TCP11L2: variants seen among roughly 807,000 people sequenced by gnomAD.
TCP11L2 encodes t-complex 11 like 2.
TCP11L2 carries 39 observed loss-of-function variants against 50.7 expected under a neutral mutation model. The observed-to-expected ratio is 0.77, with a 90% CI of 0.60 to 1.01. TCP11L2 has a LOEUF of 1.01. Among genes scored for constraint, TCP11L2 ranks in the 50% least tolerant of loss-of-function variants. The pLI, the probability that TCP11L2 is intolerant of heterozygous loss-of-function variation, is 0.00. For missense variants in TCP11L2, 612 were observed against 614.7 expected (o/e 1.00, Z 0.05); for synonymous variants, 192 against 219.3 (o/e 0.88, Z 1.10).
chr12:106,323,697 T>C (rs1005799110), intron 6 of TCP11L2, 51 bp downstream of exon 6: 1 of 963,758 alleles, frequency 1.0e-6, no homozygotes, highest in African/African-American at 1.7e-5. Flanking sequence ...AAAATGATGA[T>C]TTTAAATGTT....
intron 6 of TCP11L2, chr12:106,330,291 T>G: frequency 7.1e-6 from 7 of 985,296 alleles, no homozygotes; most frequent in Non-Finnish European, 8.4e-6. Flanking sequence ...AAGAACTACT[T>G]AGAGCAAAAG....
At chr12:106,300,971 A>G (rs2034399182), upstream of TCP11L2, among the ~76,000 whole-genome samples, 1 of 152,218 alleles carries the variant, frequency 6.6e-6, no homozygotes, top group Non-Finnish European at 1.5e-5. Context: ...TTACAAAGCT[A>G]ACAAAGGAAG....
chr12:106,337,010 A>G (rs1262449871), intron 8 of TCP11L2, among the ~76,000 whole-genome samples: 1 of 152,194 alleles, frequency 6.6e-6, no homozygotes, highest in Non-Finnish European at 1.5e-5. Context: ...TTACACCTTC[A>G]TGAATGCTAG....
Position 106,318,348 on chromosome 12 carries a change from G to C in TCP11L2, c.298G>C (p.Ala100Pro). ...KQEALPEKSL[A>P]GRVKHIVHQA... ...CAATTCATTTTATTGCCATAGTTTG[G>C]CTGGTCGAGTGAAGCACATTGTTCA... The change falls in exon 4 of 10, where the codon GCT becomes CCT. Residue 100 changes from alanine to proline, a missense_variant. Physicochemically the swap from Ala to Pro is conservative, Grantham distance 27. Coordinates refer to ENST00000299045, the MANE Select transcript of TCP11L2 (RefSeq NM_152772.3). 1.9e-6 allele frequency: 3 copies of C among 1,612,344 alleles called. No homozygotes were observed. The East Asian group carries it at 6.7e-5, about 36-fold the overall frequency.
chr12:106,326,775 T>G (rs1429914119), intron 6 of TCP11L2, among the ~76,000 whole-genome samples: 2 of 152,164 alleles, frequency 1.3e-5, no homozygotes, highest in African/African-American at 4.8e-5. Context: ...ATATCAACTG[T>G]GGGGGATATT....
At chr12:106,337,786 G>A (rs1021009927) in intron 8 of TCP11L2, among the ~76,000 whole-genome samples, 2 of 152,160 alleles carry the variant, frequency 1.3e-5, no homozygotes, top group Non-Finnish European at 2.9e-5. Flanking sequence ...GATGATTCAG[G>A]TACAGATGTG....
chr12:106,314,576 TGA>T (rs71072670), intron 3 of TCP11L2, 83 bp downstream of exon 3: 21,766 of 272,086 alleles, frequency 0.08, 222 homozygotes, highest in African/African-American at 0.11. Context: ...TGTGTGTGTG[TGA>T]GAGAGAGAGA....
At chr12:106,329,146 A>G (rs971158788) in intron 6 of TCP11L2, among the ~76,000 whole-genome samples, 1 of 152,162 alleles carries the variant, frequency 6.6e-6, no homozygotes, top group African/African-American at 2.4e-5. Flanking sequence ...AAGCACGTGT[A>G]ATACCATTGC....
chr12:106,329,508 AT>A, intron 6 of TCP11L2: 1 of 1,485,110 alleles, frequency 6.7e-7, no homozygotes, highest in South Asian at 1.3e-5. Context: ...CTGACTACAA[AT>A]TAGAATCATC....
chr12:106,329,516 C>T (rs1194643162), intron 6 of TCP11L2: 2 of 1,470,350 alleles, frequency 1.4e-6, no homozygotes, highest in East Asian at 2.5e-5. Context: ...AAATTAGAAT[C>T]ATCTGGGGCG....
upstream of TCP11L2, among the ~76,000 whole-genome samples, chr12:106,300,264 T>TA (rs941039437): frequency 7.2e-5 from 11 of 152,172 alleles, no homozygotes; most frequent in Non-Finnish European, 1.6e-4. Context: ...AACAATGTGA[T>TA]ACAAGGCTCA....
intron 1 of TCP11L2, among the ~76,000 whole-genome samples, chr12:106,307,126 C>T (rs2034662269): frequency 1.3e-5 from 2 of 152,188 alleles, no homozygotes; most frequent in Admixed American, 1.3e-4. Flanking sequence ...GTCTTACTAC[C>T]ATTCATTTAT....
At chr12:106,337,819 G>A (rs991153926) in intron 8 of TCP11L2, among the ~76,000 whole-genome samples, 4 of 152,182 alleles carry the variant, frequency 2.6e-5, no homozygotes, top group African/African-American at 9.6e-5. Flanking sequence ...TGTACTCAAT[G>A]AATGCTAGCT....
intron 6 of TCP11L2, among the ~76,000 whole-genome samples, chr12:106,334,084 C>A (rs978849804): frequency 1.3e-5 from 2 of 152,074 alleles, no homozygotes; most frequent in African/African-American, 4.8e-5. Context: ...AATGAACAGG[C>A]AGAGGAACAT....
At position 106,314,572 on chromosome 12, in the gene TCP11L2, TGTGTGA is replaced by T. The variant is rs1250603894; in HGVS notation, c.293+81_293+86del. On this transcript the variant is annotated intron_variant, in intron 3 of 9. Coordinates refer to ENST00000299045, the MANE Select transcript of TCP11L2 (RefSeq NM_152772.3). ...GTGTGTGTGTGTGTGTGTGTGTGTG[TGTGTGA>T]GAGAGAGAGAGAGAGAGAGAGAGAC... 1,257 of 839,150 alleles carry T rather than the reference TGTGTGA, an allele frequency of 1.5e-3. 1 individual carries two copies. The highest frequency in any genetic ancestry group is 3.1e-3 in the East Asian group (102 of 32,408). The allele number at this position is 839,150 out of a possible 1,614,324, so 52.0% of individuals were successfully genotyped here.
upstream of TCP11L2, among the ~76,000 whole-genome samples, chr12:106,300,441 T>C (rs2034391409): frequency 6.6e-6 from 1 of 152,222 alleles, no homozygotes; most frequent in East Asian, 1.9e-4. Context: ...GCGATTCTCC[T>C]GCCTCAGCTT....
intron 6 of TCP11L2, among the ~76,000 whole-genome samples, chr12:106,328,229 TAGACTC>T (rs1271356781): frequency 6.6e-6 from 1 of 152,240 alleles, no homozygotes; most frequent in African/African-American, 2.4e-5. Context: ...ATGACCTCCT[TAGACTC>T]AGAATCATTC....
intron 8 of TCP11L2, among the ~76,000 whole-genome samples, chr12:106,336,485 T>C (rs2035924915): frequency 6.6e-6 from 1 of 151,822 alleles, no homozygotes; most frequent in South Asian, 2.1e-4. Context: ...TCTTTGACAG[T>C]GCTTTGGAAA....
intron 6 of TCP11L2, chr12:106,324,142 GA>G (rs1217479814): frequency 6.6e-6 from 1 of 152,150 alleles, no homozygotes; most frequent in African/African-American, 2.4e-5. Flanking sequence ...GTGCTATGAA[GA>G]AAAATAGGAT....
Sources: gnomAD v4.1 joint callset for allele counts (sites outside exome capture counted in the v4.1 genomes callset) on GRCh38, gnomAD v4.1.1 for gene constraint, MANE v1.5 for transcripts, NCBI Gene and HGNC (gene_info 2026-07-23, HGNC 2026-07-21) for gene names.